VEPH1: variants seen among roughly 807,000 people sequenced by gnomAD.
VEPH1 encodes ventricular zone expressed PH domain containing 1, also known as ventricular zone-expressed PH domain-containing protein homolog 1.
In VEPH1, 80 loss-of-function variants were observed where a neutral mutation model predicts 85.2. That is an observed-to-expected ratio of 0.94 (90% CI 0.78 to 1.13). The LOEUF is 1.13. Ranked by LOEUF, VEPH1 falls within the 50% of genes most tolerant of loss-of-function variation. The pLI, the probability that VEPH1 is intolerant of heterozygous loss-of-function variation, is 0.00. For missense variants in VEPH1, 955 were observed against 980.5 expected (o/e 0.97, Z 0.35); for synonymous variants, 297 against 348.0 (o/e 0.85, Z 1.63).
At chr3:157,481,486 A>C (rs11718199) in intron 2 of VEPH1, among the ~76,000 whole-genome samples, 32,424 of 79,376 alleles carry the variant, frequency 0.41, 7,550 homozygotes, top group African/African-American at 0.55. Flanking sequence ...AAAAAAAAAA[A>C]CAATCCTAAG....
chr3:157,307,642 C>G (rs985223583), intron 11 of VEPH1, among the ~76,000 whole-genome samples: 1 of 151,808 alleles, frequency 6.6e-6, no homozygotes, highest in African/African-American at 2.4e-5. Context: ...TGAGTTTTCT[C>G]TTTCTGTACC....
chr3:157,416,557 T>C (rs1731928001), intron 5 of VEPH1, among the ~76,000 whole-genome samples: 1 of 152,116 alleles, frequency 6.6e-6, no homozygotes, highest in African/African-American at 2.4e-5. Context: ...CAATGAAAAA[T>C]GCTTGCACAT....
At chr3:157,348,219 G>T (rs1362883967) in intron 9 of VEPH1, among the ~76,000 whole-genome samples, 1 of 152,178 alleles carries the variant, frequency 6.6e-6, no homozygotes, top group Non-Finnish European at 1.5e-5. Context: ...GGGCATGGGG[G>T]TGCAGATGGC....
intron 6 of VEPH1, among the ~76,000 whole-genome samples, chr3:157,398,205 C>T (rs921779463): frequency 2.6e-5 from 4 of 152,156 alleles, no homozygotes; most frequent in African/African-American, 9.7e-5. Context: ...TACTGCAGTG[C>T]ACACCCAATT....
intron 4 of VEPH1, chr3:157,442,627 G>A (rs1734217364): frequency 6.2e-7 from 1 of 1,614,238 alleles, no homozygotes; most frequent in African/African-American, 1.3e-5. Context: ...GTTTCCCTGG[G>A]AAGGTGGACC....
chr3:157,275,093 C>G (rs1235298557), intron 12 of VEPH1, among the ~76,000 whole-genome samples: 2 of 152,176 alleles, frequency 1.3e-5, no homozygotes, highest in Non-Finnish European at 2.9e-5. Context: ...TTCATCCAGA[C>G]TCAGAAATTA....
chr3:157,470,661 A>T, intron 2 of VEPH1, 132 bp from the exon 3 acceptor site: 2 of 718,798 alleles, frequency 2.8e-6, no homozygotes, highest in Non-Finnish European at 4.4e-6. Flanking sequence ...TGTAAAGCCT[A>T]ATACAATAAA....
intron 5 of VEPH1, among the ~76,000 whole-genome samples, chr3:157,419,366 A>G (rs111405314): frequency 0.072 from 10,957 of 152,280 alleles, 599 homozygotes; most frequent in South Asian, 0.22. Flanking sequence ...AAAAGAAACT[A>G]TCATCAGAGT....
intron 5 of VEPH1, among the ~76,000 whole-genome samples, chr3:157,421,554 A>G (rs1313685904): frequency 6.6e-6 from 1 of 152,196 alleles, no homozygotes; most frequent in East Asian, 1.9e-4. Flanking sequence ...GGTTGTCGCC[A>G]CTTATTTCCC....
chr3:157,369,049 T>G (rs1045968078), intron 7 of VEPH1, among the ~76,000 whole-genome samples: 2 of 151,388 alleles, frequency 1.3e-5, no homozygotes, highest in African/African-American at 4.9e-5. Flanking sequence ...CTGGAATTTT[T>G]GTAGAATAAG....
intron 12 of VEPH1, among the ~76,000 whole-genome samples, chr3:157,286,009 C>T (rs1266826199): frequency 6.6e-6 from 1 of 152,160 alleles, no homozygotes; most frequent in Non-Finnish European, 1.5e-5. Context: ...TATTTGCTAA[C>T]AATTATTTTT....
At chr3:157,324,498 C>T (rs1721677375) in intron 9 of VEPH1, among the ~76,000 whole-genome samples, 1 of 152,146 alleles carries the variant, frequency 6.6e-6, no homozygotes, top group Non-Finnish European at 1.5e-5. Context: ...TCTCCTCCTC[C>T]CCACCCTCCA....
intron 2 of VEPH1, among the ~76,000 whole-genome samples, chr3:157,475,039 G>A (rs1737328931): frequency 6.6e-6 from 1 of 151,800 alleles, no homozygotes; most frequent in Non-Finnish European, 1.5e-5. Flanking sequence ...TTGCAGTGCA[G>A]TGGTGCCATG....
chr3:157,407,210 A>G (rs1577582642), intron 6 of VEPH1, among the ~76,000 whole-genome samples: 1 of 152,270 alleles, frequency 6.6e-6, no homozygotes, highest in East Asian at 1.9e-4. Context: ...GACGAGAAAC[A>G]TCAACCTAGT....
chr3:157,426,580 T>A (rs547373664), intron 5 of VEPH1, among the ~76,000 whole-genome samples: 1 of 152,288 alleles, frequency 6.6e-6, no homozygotes, highest in South Asian at 2.1e-4. Flanking sequence ...ATCGTAAACA[T>A]CCTAATTGTT....
intron 4 of VEPH1, chr3:157,442,763 T>C: frequency 6.2e-7 from 1 of 1,614,226 alleles, no homozygotes; most frequent in Non-Finnish European, 8.5e-7. Context: ...TCCTGCAGAT[T>C]GGCCAAGAAA....
rs74554582 is a variant in VEPH1 at position 157,429,053 on chromosome 3, C to T, written c.530-565G>A. On this transcript the variant is annotated intron_variant, in intron 4 of 13. Coordinates refer to ENST00000362010, the MANE Select transcript of VEPH1 (RefSeq NM_001167912.2). ...CTGCACTATTTCAAGGGAAGTTTAG[C>T]CTCAGCTGATTTGTCACACATAATT... is the stretch of plus-strand genomic sequence containing the variant. Among the ~76,000 whole-genome samples the T allele has an allele frequency of 5.2e-4, 79 of 152,242 alleles. No homozygotes were observed. In the East Asian group the frequency reaches 0.015, roughly 29 times the overall value.
At chr3:157,461,944 C>T (rs1175806594) in intron 3 of VEPH1, among the ~76,000 whole-genome samples, 2 of 151,374 alleles carry the variant, frequency 1.3e-5, no homozygotes, top group Non-Finnish European at 2.9e-5. Context: ...TTCTAGTCAT[C>T]AAGAGATATC....
intron 11 of VEPH1, among the ~76,000 whole-genome samples, chr3:157,304,038 T>TATATATATATACACACACACACAC: frequency 5.2e-5 from 5 of 96,896 alleles, no homozygotes; most frequent in South Asian, 3.5e-4. Flanking sequence ...TATATATATA[T>TATATATATATACACACACACACAC]ACACACATAC....
Sources: gnomAD v4.1 joint callset for allele counts (sites outside exome capture counted in the v4.1 genomes callset) on GRCh38, gnomAD v4.1.1 for gene constraint, MANE v1.5 for transcripts, NCBI Gene and HGNC (gene_info 2026-07-23, HGNC 2026-07-21) for gene names.